MAF: variants seen among roughly 807,000 people sequenced by gnomAD.
MAF encodes the protein transcription factor Maf.
Under a neutral mutation model 22.0 loss-of-function variants are expected in MAF, and 10 were observed. The ratio of observed to expected loss-of-function variants is 0.45; its 90% confidence interval spans 0.28 to 0.77. The LOEUF is 0.77. MAF is among the 30% of genes least tolerant of loss of function. The pLI, the probability that MAF is intolerant of heterozygous loss-of-function variation, is 0.12. For synonymous variants in MAF, 337 were observed against 255.8 expected (o/e 1.32, Z -3.03); for missense variants, 544 against 548.4 (o/e 0.99, Z 0.08).
the MAF span, among the ~76,000 whole-genome samples, chr16:79,575,562 G>A: frequency 6.8e-4 from 103 of 152,288 alleles, no homozygotes; most frequent in African/African-American, 2.2e-3. Flanking sequence ...GGGTTTCAAA[G>A]GAACTGGCAT....
chr16:79,249,094 C>T, the MAF span, among the ~76,000 whole-genome samples: 1 of 152,040 alleles, frequency 6.6e-6, no homozygotes, highest in Non-Finnish European at 1.5e-5. Context: ...GTTATGAGGG[C>T]TCTGTCTACA....
At chr16:79,284,151 C>G in the MAF span, among the ~76,000 whole-genome samples, 1 of 152,096 alleles carries the variant, frequency 6.6e-6, no homozygotes, top group Non-Finnish European at 1.5e-5. Flanking sequence ...CACCACTGAC[C>G]CTTCAGCAAG....
the MAF span, among the ~76,000 whole-genome samples, chr16:79,495,957 G>A: frequency 1.3e-5 from 2 of 152,084 alleles, no homozygotes; most frequent in African/African-American, 4.8e-5. Flanking sequence ...TAAAATAAAT[G>A]GCTTGATAGA....
At chr16:79,418,017 C>A in the MAF span, among the ~76,000 whole-genome samples, 1 of 152,070 alleles carries the variant, frequency 6.6e-6, no homozygotes, top group African/African-American at 2.4e-5. Flanking sequence ...GTGCAAGAGG[C>A]AACAGATAAT....
chr16:79,205,701 A>C, the MAF span: 2 of 152,340 alleles, frequency 1.3e-5, no homozygotes, highest in Admixed American at 1.3e-4. Flanking sequence ...TTCAATACCT[A>C]CAGGAAGTAT....
At chr16:79,211,656 G>C in the MAF span, 20 of 1,614,076 alleles carry the variant, frequency 1.2e-5, no homozygotes, top group East Asian at 2.2e-5. Flanking sequence ...CCCAGAACTG[G>C]AGGGTCTGGG....
At chr16:79,455,475 G>T in the MAF span, among the ~76,000 whole-genome samples, 18 of 152,128 alleles carry the variant, frequency 1.2e-4, no homozygotes, top group African/African-American at 4.3e-4. Context: ...TCTCGGGTTT[G>T]GAGATTGAGA....
chr16:79,493,545 T>G, the MAF span, among the ~76,000 whole-genome samples: 1 of 152,178 alleles, frequency 6.6e-6, no homozygotes, highest in Admixed American at 6.5e-5. Context: ...AACTCCTGAT[T>G]TCAAGTGATT....
At chr16:79,402,230 A>C in the MAF span, among the ~76,000 whole-genome samples, 1 of 152,194 alleles carries the variant, frequency 6.6e-6, no homozygotes, top group Non-Finnish European at 1.5e-5. Flanking sequence ...GTGAGGATTA[A>C]ATAAGATCAT....
the MAF span, among the ~76,000 whole-genome samples, chr16:79,270,095 G>A: frequency 4.0e-5 from 6 of 151,796 alleles, no homozygotes; most frequent in African/African-American, 9.7e-5. Context: ...ACCTCTTCTC[G>A]GGGTGGGTGG....
At chr16:79,388,799 C>T in the MAF span, among the ~76,000 whole-genome samples, 281 of 152,272 alleles carry the variant, frequency 1.8e-3, 1 homozygote, top group African/African-American at 6.6e-3. Context: ...TATATATGTT[C>T]TCCTGTCCAT....
the MAF span, among the ~76,000 whole-genome samples, chr16:79,235,306 A>T: frequency 6.6e-6 from 1 of 152,030 alleles, no homozygotes; most frequent in Non-Finnish European, 1.5e-5. Flanking sequence ...GAATAAAGAA[A>T]ACAAAATTTG....
the MAF span, among the ~76,000 whole-genome samples, chr16:79,399,594 A>T: frequency 6.6e-6 from 1 of 152,158 alleles, no homozygotes; most frequent in African/African-American, 2.4e-5. Flanking sequence ...GGGGCTTGTC[A>T]CTGATACGCC....
the MAF span, among the ~76,000 whole-genome samples, chr16:79,501,367 T>C: frequency 0.038 from 5,851 of 152,268 alleles, 366 homozygotes; most frequent in African/African-American, 0.13. Context: ...TAATTACATC[T>C]GCAACAACTT....
chr16:79,586,661 C>T (rs753034936), intron 1 of MAF, among the ~76,000 whole-genome samples: 21 of 152,176 alleles, frequency 1.4e-4, no homozygotes, highest in Non-Finnish European at 2.4e-4. Context: ...GTTCAAAAAA[C>T]GCTTATTGCT....
Position 79,596,228 on chromosome 16 carries a change from G to C in MAF, c.1119-1675C>G, listed in dbSNP as rs541822345. ...GTTTTTCCTACCAAGGGCAATTATGGCTCAACTCATTTGAAAACTGAAAAC... is the reference window on the plus strand; with the variant it reads ...GTTTTTCCTACCAAGGGCAATTATGCCTCAACTCATTTGAAAACTGAAAAC... On this transcript the variant is annotated intron_variant, in intron 1 of 1. Transcript: ENST00000326043. The C allele has an allele frequency of 2.8e-6, 3 of 1,060,488 alleles. No individual in the cohort carries two copies. In the East Asian group the frequency reaches 1.5e-4, roughly 54 times the overall value. The allele number at this position is 1,060,488 out of a possible 1,614,324, so 65.7% of individuals were successfully genotyped here.
the MAF span, among the ~76,000 whole-genome samples, chr16:79,222,357 C>G: frequency 1.3e-5 from 2 of 152,056 alleles, no homozygotes; most frequent in Non-Finnish European, 2.9e-5. Flanking sequence ...TGGAAAGGAA[C>G]AACTGATACC....
chr16:79,543,908 C>G, the MAF span, among the ~76,000 whole-genome samples: 132,780 of 151,900 alleles, frequency 0.87, 58,947 homozygotes, highest in South Asian at 0.97. Flanking sequence ...AGATGGTCTC[C>G]ATCTCCAGAC....
the MAF span, among the ~76,000 whole-genome samples, chr16:79,546,758 C>T: frequency 1.3e-5 from 2 of 152,186 alleles, no homozygotes; most frequent in Admixed American, 6.5e-5. Flanking sequence ...GCCCCTGCCT[C>T]GTGTGCATAT....
Sources: allele counts gnomAD v4.1 joint callset (sites outside exome capture counted in the v4.1 genomes callset), GRCh38; gene constraint gnomAD v4.1.1; transcripts MANE v1.5; gene names NCBI Gene and HGNC (gene_info 2026-07-23, HGNC 2026-07-21).